B3GALT1: variants seen among roughly 807,000 people sequenced by gnomAD.
The protein encoded by B3GALT1 is beta-1,3-galactosyltransferase 1, also known as UDP-Gal:betaGlcNAc beta 1,3-galactosyltransferase, polypeptide 1.
In B3GALT1, 10 loss-of-function variants were observed where a neutral mutation model predicts 23.2. The ratio of observed to expected loss-of-function variants is 0.43; its 90% CI spans 0.27 to 0.73. The LOEUF (loss-of-function observed/expected upper bound fraction) is 0.73, where lower values mean the gene tolerates loss of function less well. B3GALT1 is among the 30% of genes least tolerant of loss of function. The pLI is 0.21. For missense variants in B3GALT1, 299 were observed against 405.4 expected, an observed-to-expected ratio of 0.74 and a Z score of 2.25; for synonymous variants, 156 against 141.5, an observed-to-expected ratio of 1.10 and a Z score of -0.73.
At chr2:167,614,043 G>A (rs569693226) in intron 2 of B3GALT1, among the ~76,000 whole-genome samples, 4 of 151,608 alleles carry the variant, frequency 2.6e-5, no homozygotes, top group Non-Finnish European at 5.9e-5. Flanking sequence ...AGATGTTCTA[G>A]CAAATGTAAT....
At chr2:167,670,576 A>G (rs891210390) in intron 3 of B3GALT1, among the ~76,000 whole-genome samples, 2 of 152,214 alleles carry the variant, frequency 1.3e-5, no homozygotes, top group African/African-American at 4.8e-5. Context: ...GTGGAGCTCT[A>G]TGAACTGTCT....
At chr2:167,545,505 A>G (rs959647963) in intron 2 of B3GALT1, among the ~76,000 whole-genome samples, 5 of 152,164 alleles carry the variant, frequency 3.3e-5, no homozygotes, top group East Asian at 1.9e-4. Flanking sequence ...TGAAGTTTCA[A>G]TCCCTTAGCT....
chr2:167,827,741 A>G (rs1689259052), intron 4 of B3GALT1, among the ~76,000 whole-genome samples: 1 of 152,204 alleles, frequency 6.6e-6, no homozygotes, highest in Non-Finnish European at 1.5e-5. Flanking sequence ...TGGAAACCAG[A>G]GCATTACACA....
At chr2:167,490,911 G>C (rs966189003) in intron 2 of B3GALT1, among the ~76,000 whole-genome samples, 8 of 152,128 alleles carry the variant, frequency 5.3e-5, no homozygotes, top group Admixed American at 5.2e-4. Context: ...TCCTGATCTT[G>C]TGTCAAGAAA....
At chr2:167,319,933 T>A (rs1170540236) in intron 1 of B3GALT1, among the ~76,000 whole-genome samples, 1 of 152,050 alleles carries the variant, frequency 6.6e-6, no homozygotes, top group Non-Finnish European at 1.5e-5. Flanking sequence ...GGTTATTACT[T>A]ACATACCTTA....
chr2:167,426,637 G>T (rs1698628005), intron 1 of B3GALT1, among the ~76,000 whole-genome samples: 1 of 152,072 alleles, frequency 6.6e-6, no homozygotes. Flanking sequence ...ACATTGCCTG[G>T]AACATAGACA....
chr2:167,639,407 G>T (rs1574184047), intron 2 of B3GALT1, among the ~76,000 whole-genome samples: 1 of 151,952 alleles, frequency 6.6e-6, no homozygotes, highest in Non-Finnish European at 1.5e-5. Context: ...GAAGCTTACA[G>T]AAGTCATTTA....
Position 167,799,287 on chromosome 2 carries a change from G to A in B3GALT1, c.-351-19385G>A, listed in dbSNP as rs114698200. Among the ~76,000 whole-genome samples, 647 of 152,102 alleles carry A rather than the reference G, an allele frequency of 4.3e-3. 8 individuals are homozygous for A. Among genetic ancestry groups the A allele is most frequent in the African/African-American group, 0.014 (593 of 41,470 alleles). On this transcript the variant is annotated intron_variant, in intron 3 of 4. Transcript: ENST00000392690. ...TCTATACAATTCCAGTGCTCCCACC[G>A]TCCGAACAGTGTACATTGTACCCAA...
At chr2:167,844,288 G>C (rs1689709404) in intron 4 of B3GALT1, among the ~76,000 whole-genome samples, 1 of 152,226 alleles carries the variant, frequency 6.6e-6, no homozygotes, top group African/African-American at 2.4e-5. Flanking sequence ...AGAGCAGCAT[G>C]CAGAGACTCG....
intron 1 of B3GALT1, among the ~76,000 whole-genome samples, chr2:167,326,057 TC>T: frequency 6.7e-6 from 1 of 149,398 alleles, no homozygotes; most frequent in South Asian, 2.1e-4. Flanking sequence ...GTCTAAAAGT[TC>T]CTTTTTCTAT....
chr2:167,834,344 A>T (rs76928999), intron 4 of B3GALT1, among the ~76,000 whole-genome samples: 110 of 152,334 alleles, frequency 7.2e-4, no homozygotes, highest in Middle Eastern at 3.4e-3. Flanking sequence ...ATAAAAAGCA[A>T]GCAGTGTCTG....
chr2:167,635,651 C>G (rs1411775988), intron 2 of B3GALT1, among the ~76,000 whole-genome samples: 4 of 152,080 alleles, frequency 2.6e-5, no homozygotes, highest in African/African-American at 7.2e-5. Context: ...ATGTGAAGGA[C>G]CTCTTTAAGG....
chr2:167,526,966 C>T (rs1253087619), intron 2 of B3GALT1, among the ~76,000 whole-genome samples: 1 of 152,030 alleles, frequency 6.6e-6, no homozygotes, highest in East Asian at 1.9e-4. Flanking sequence ...TCAACTATAT[C>T]ACTAATATAT....
chr2:167,512,354 T>C (rs1700018213), intron 2 of B3GALT1, among the ~76,000 whole-genome samples: 4 of 151,196 alleles, frequency 2.6e-5, no homozygotes, highest in African/African-American at 9.7e-5. Context: ...GATTATCCTA[T>C]TTTTCATCAT....
chr2:167,452,954 T>C (rs915671845), intron 1 of B3GALT1, among the ~76,000 whole-genome samples: 7 of 152,202 alleles, frequency 4.6e-5, no homozygotes, highest in African/African-American at 1.7e-4. Context: ...CTGATATCAG[T>C]AGTTGCTAAA....
In B3GALT1 at chr2:167,869,133, T is replaced by C. The variant is rs1242931406; in HGVS notation, c.94T>C (p.Tyr32His). The C allele has an allele frequency of 4.3e-6, 7 of 1,614,172 alleles. No individual in the cohort carries two copies. Among genetic ancestry groups the C allele is most frequent in the Non-Finnish European group, 5.9e-6 (7 of 1,180,020 alleles). ...GAGTATAACTCGCCCTACTTCTTCT[T>C]ACACTGGCTCCAAACCATTCAGCCA... ...YLSITRPTSS[Y>H]TGSKPFSHLT... The change falls in exon 5 of 5, where the codon TAC (tyrosine) becomes CAC (histidine). Residue 32 changes from tyrosine to histidine, a missense_variant. Around this residue, in one of 3 missense-constraint regions of B3GALT1, gnomAD observed 162 missense variants for 184.1 expected, o/e 0.88. Coordinates refer to ENST00000392690, the MANE Select transcript of B3GALT1 (RefSeq NM_020981.4). The surrounding 1 kb of genome is among the most constrained non-coding windows in gnomAD (Gnocchi z 6.4).
chr2:167,388,006 A>G (rs1574059209), intron 1 of B3GALT1, among the ~76,000 whole-genome samples: 1 of 152,228 alleles, frequency 6.6e-6, no homozygotes, highest in Admixed American at 6.5e-5. Flanking sequence ...ATAAAAATAT[A>G]AAACAAATAT....
chr2:167,731,415 C>T (rs1175329833), intron 3 of B3GALT1, among the ~76,000 whole-genome samples: 1 of 152,126 alleles, frequency 6.6e-6, no homozygotes, highest in East Asian at 1.9e-4. Flanking sequence ...TTTGTGTACC[C>T]CCAGGATCAT....
At chr2:167,707,828 C>G (rs906054397) in intron 3 of B3GALT1, among the ~76,000 whole-genome samples, 4 of 152,160 alleles carry the variant, frequency 2.6e-5, no homozygotes, top group African/African-American at 7.2e-5. Context: ...TATCACAACA[C>G]GTAAGGGCAA....
Sources: allele counts gnomAD v4.1 joint callset (sites outside exome capture counted in the v4.1 genomes callset), GRCh38; gene constraint gnomAD v4.1.1; regional missense constraint gnomAD v4.1.1; non-coding constraint Gnocchi (gnomAD v3.1); transcripts MANE v1.5; gene names NCBI Gene and HGNC (gene_info 2026-07-23, HGNC 2026-07-21).